Variants in NKAIN2 observed in about 807,000 individuals in gnomAD.
NKAIN2 encodes sodium/potassium-transporting ATPase subunit beta-1-interacting protein 2.
Under a neutral mutation model 32.6 loss-of-function variants are expected in NKAIN2, and 14 were observed. The observed-to-expected ratio is 0.43, with a 90% confidence interval of 0.28 to 0.67. The LOEUF is 0.67. NKAIN2 is among the 30% of genes least tolerant of loss of function. The pLI, the probability that NKAIN2 is intolerant of heterozygous loss-of-function variation, is 0.17. For missense variants in NKAIN2, 198 were observed against 258.3 expected, an observed-to-expected ratio of 0.77 and a Z score of 1.60; for synonymous variants, 80 against 87.2, an observed-to-expected ratio of 0.92 and a Z score of 0.46.
At chr6:124,157,021 T>C (rs987281681) in intron 1 of NKAIN2, among the ~76,000 whole-genome samples, 1 of 136,166 alleles carries the variant, frequency 7.3e-6, no homozygotes, top group African/African-American at 2.7e-5. Flanking sequence ...GAGAATTGCT[T>C]GAACCCGGGA....
chr6:124,369,656 G>A (rs962448316), intron 3 of NKAIN2, among the ~76,000 whole-genome samples: 4 of 151,998 alleles, frequency 2.6e-5, no homozygotes, highest in African/African-American at 9.7e-5. Flanking sequence ...TGGGTACCCT[G>A]CCTTACATCC....
At chr6:124,612,384 T>C (rs1263708725) in intron 3 of NKAIN2, among the ~76,000 whole-genome samples, 1 of 152,162 alleles carries the variant, frequency 6.6e-6, no homozygotes, top group Non-Finnish European at 1.5e-5. Context: ...ATATAACTAA[T>C]AGTAATATAG....
At chr6:124,006,774 C>G (rs539388502) in intron 1 of NKAIN2, among the ~76,000 whole-genome samples, 3 of 152,264 alleles carry the variant, frequency 2.0e-5, no homozygotes, top group Non-Finnish European at 2.9e-5. Flanking sequence ...AGGGACATCT[C>G]AACCACATGG....
chr6:124,783,827 T>C (rs1163440869), intron 4 of NKAIN2, among the ~76,000 whole-genome samples: 3 of 152,194 alleles, frequency 2.0e-5, no homozygotes, highest in Non-Finnish European at 4.4e-5. Flanking sequence ...AAATTATACT[T>C]TGTGTGTGCA....
intron 1 of NKAIN2, among the ~76,000 whole-genome samples, chr6:124,197,362 G>A (rs557942818): frequency 5.3e-5 from 8 of 151,032 alleles, no homozygotes; most frequent in South Asian, 2.1e-4. Flanking sequence ...TGTATTGTTC[G>A]ACAGTCAATA....
intron 4 of NKAIN2, among the ~76,000 whole-genome samples, chr6:124,711,281 A>T: frequency 2.2e-5 from 1 of 44,954 alleles, no homozygotes; most frequent in Admixed American, 2.6e-4. Flanking sequence ...CTTCATTTCA[A>T]CCTTGATGAA....
At chr6:124,765,822 C>T (rs978136501) in intron 4 of NKAIN2, among the ~76,000 whole-genome samples, 3 of 152,172 alleles carry the variant, frequency 2.0e-5, no homozygotes, top group African/African-American at 7.2e-5. Context: ...ATGTGAGATT[C>T]CATTATCACT....
At position 124,652,735 on chromosome 6, in the gene NKAIN2, G is replaced by A. The variant is rs566626603; in HGVS notation, c.274-5451G>A. ...AGAAGGGCACAGAGAGTGCAAGAGA[G>A]GAAGTGAAAAAAAGGCCAGTCTCAC... On this transcript the variant is annotated intron_variant, in intron 3 of 6. Transcript: ENST00000368417. Among the ~76,000 whole-genome samples, 10 of 152,210 alleles carry A rather than the reference G, an allele frequency of 6.6e-5. No individual in the cohort carries two copies. In the East Asian group the frequency reaches 1.7e-3, roughly 27 times the overall value.
intron 2 of NKAIN2, among the ~76,000 whole-genome samples, chr6:124,305,687 T>C (rs1039587746): frequency 1.6e-4 from 25 of 152,270 alleles, no homozygotes; most frequent in Middle Eastern, 3.4e-3. Flanking sequence ...AGACTGCTGA[T>C]CTTGATACTT....
chr6:124,269,713 C>T (rs988317441), intron 1 of NKAIN2, among the ~76,000 whole-genome samples: 36 of 152,032 alleles, frequency 2.4e-4, no homozygotes, highest in Middle Eastern at 3.2e-3. Flanking sequence ...GGTGATCCAA[C>T]GGCCTCGGCC....
intron 4 of NKAIN2, among the ~76,000 whole-genome samples, chr6:124,777,539 A>G (rs1779036456): frequency 1.3e-5 from 2 of 152,234 alleles, no homozygotes; most frequent in African/African-American, 2.4e-5. Context: ...CACAGAATGA[A>G]TACTATACTA....
intron 3 of NKAIN2, among the ~76,000 whole-genome samples, chr6:124,436,470 TA>T (rs1775449642): frequency 6.6e-6 from 1 of 152,178 alleles, no homozygotes; most frequent in Admixed American, 6.5e-5. Flanking sequence ...ATAATATCAA[TA>T]AGTGAGAATA....
intron 1 of NKAIN2, among the ~76,000 whole-genome samples, chr6:123,984,083 T>G (rs1355823353): frequency 3.3e-5 from 5 of 152,050 alleles, no homozygotes; most frequent in Admixed American, 1.3e-4. Context: ...AATTTTGTAT[T>G]TTTAGTAGAG....
At chr6:124,783,330 G>C (rs1161234871) in intron 4 of NKAIN2, among the ~76,000 whole-genome samples, 1 of 152,112 alleles carries the variant, frequency 6.6e-6, no homozygotes, top group Non-Finnish European at 1.5e-5. Flanking sequence ...TTGGCATTTA[G>C]TTCAGTCTAT....
chr6:124,394,283 A>T (rs1344314862), intron 3 of NKAIN2, among the ~76,000 whole-genome samples: 1 of 152,080 alleles, frequency 6.6e-6, no homozygotes, highest in East Asian at 1.9e-4. Flanking sequence ...GTAGTTCTGT[A>T]ATTCTGTTAA....
At chr6:124,063,922 T>C (rs1256272244) in intron 1 of NKAIN2, among the ~76,000 whole-genome samples, 2 of 152,084 alleles carry the variant, frequency 1.3e-5, no homozygotes, top group Non-Finnish European at 2.9e-5. Context: ...ATTTATACTG[T>C]ACTAACATAT....
intron 1 of NKAIN2, among the ~76,000 whole-genome samples, chr6:124,143,703 G>A (rs927063399): frequency 3.3e-5 from 5 of 151,920 alleles, no homozygotes; most frequent in Admixed American, 6.6e-5. Flanking sequence ...ACAACATAAT[G>A]TAATGAATTA....
chr6:124,665,262 A>T (rs1255470515), intron 4 of NKAIN2, among the ~76,000 whole-genome samples: 1 of 152,190 alleles, frequency 6.6e-6, no homozygotes, highest in Non-Finnish European at 1.5e-5. Flanking sequence ...TCAAAATATT[A>T]AAAAAGCTGC....
intron 1 of NKAIN2, among the ~76,000 whole-genome samples, chr6:124,076,713 T>C (rs1321773156): frequency 2.6e-5 from 4 of 152,212 alleles, no homozygotes; most frequent in Non-Finnish European, 5.9e-5. Context: ...ATTGTTCACA[T>C]GAGTTTGCGG....
Sources: gnomAD v4.1 joint callset for allele counts (sites outside exome capture counted in the v4.1 genomes callset) on GRCh38, gnomAD v4.1.1 for gene constraint, MANE v1.5 for transcripts, NCBI Gene and HGNC (gene_info 2026-07-23, HGNC 2026-07-21) for gene names.